CLIC2: variants seen among roughly 807,000 people sequenced by gnomAD.
CLIC2 encodes chloride intracellular channel protein 2.
A neutral mutation model predicts 14.8 loss-of-function variants in CLIC2; 9 were observed. That is an observed-to-expected ratio of 0.61 (90% CI 0.37 to 1.06). The LOEUF is 1.06. Among genes scored for constraint, CLIC2 ranks in the 50% least tolerant of loss-of-function variants. The pLI is 0.01. For missense variants in CLIC2, 148 were observed against 181.4 expected, an observed-to-expected ratio of 0.82 and a Z score of 1.06; for synonymous variants, 61 against 66.3, an observed-to-expected ratio of 0.92 and a Z score of 0.39.
At chrX:155,295,423 GA>G (rs2124171102) in intron 3 of CLIC2, among the ~76,000 whole-genome samples, 1 of 93,031 alleles carries the variant, frequency 1.1e-5, no homozygotes, top group Non-Finnish European at 2.2e-5. Flanking sequence ...GCTGAATAGG[GA>G]AAAATTGAAA....
chrX:155,287,364 C>T (rs2074946794), intron 3 of CLIC2, among the ~76,000 whole-genome samples: 1 of 111,057 alleles, frequency 9.0e-6, no homozygotes, highest in South Asian at 3.8e-4. Flanking sequence ...GACAGAGTTT[C>T]ACTCTGTTGC....
At chrX:155,278,845 G>T in intron 5 of CLIC2, 1 of 222,807 alleles carries the variant, frequency 4.5e-6, no homozygotes, top group South Asian at 8.1e-5. Flanking sequence ...GGGGTGGGAG[G>T]ACTGCTTGAG....
intron 1 of CLIC2, among the ~76,000 whole-genome samples, chrX:155,300,753 T>C (rs1251222119): frequency 5.2e-5 from 5 of 95,269 alleles, no homozygotes; most frequent in Non-Finnish European, 1.1e-4. Flanking sequence ...TTGATTTTTG[T>C]ATAAGGTGTA....
chrX:155,315,716 G>T (rs782231067), intron 1 of CLIC2, among the ~76,000 whole-genome samples: 5 of 110,346 alleles, frequency 4.5e-5, no homozygotes, highest in African/African-American at 6.6e-5. Flanking sequence ...AAAAACCAAG[G>T]TATTGAGGCA....
At position 155,334,599 on chromosome X, in the gene CLIC2, T is replaced by C. The variant is rs1343528197; in HGVS notation, c.-172A>G. On this transcript the variant is annotated 5_prime_UTR_variant, in exon 1 of 6. Transcript: ENST00000369449. The stretch of plus-strand genomic sequence containing the variant: ...GGAGCCAGTCTCTTCTCTCAAGAGG[T>C]GTGACGCAGAAAATTCTAGATGCTT... 2 of 461,519 alleles carry C rather than the reference T, an allele frequency of 4.3e-6. No homozygotes were observed. Among genetic ancestry groups the C allele is most frequent in the Non-Finnish European group, 7.7e-6 (2 of 258,934 alleles). The allele number at this position is 461,519 out of a possible 1,213,427, so 38.0% of individuals were successfully genotyped here.
intron 3 of CLIC2, among the ~76,000 whole-genome samples, chrX:155,293,933 G>T (rs930579316): frequency 9.0e-6 from 1 of 111,515 alleles, no homozygotes; most frequent in Non-Finnish European, 1.9e-5. Flanking sequence ...AGATCTAAAG[G>T]TAGAGACAGA....
intron 3 of CLIC2, chrX:155,292,805 A>C: frequency 1.4e-6 from 1 of 738,650 alleles, no homozygotes; most frequent in Non-Finnish European, 2.1e-6. Flanking sequence ...AAACAAATAA[A>C]AAAGCTGCCA....
At chrX:155,299,241 T>C in intron 1 of CLIC2, 96 bp from the exon 2 acceptor site, 1 of 635,000 alleles carries the variant, frequency 1.6e-6, no homozygotes, top group Non-Finnish European at 2.6e-6. Context: ...GAGACAAACA[T>C]GGACATTCTT....
intron 3 of CLIC2, among the ~76,000 whole-genome samples, chrX:155,285,396 A>C (rs1216002529): frequency 1.8e-5 from 2 of 111,663 alleles, no homozygotes; most frequent in Non-Finnish European, 3.8e-5. Context: ...TATCTAATGG[A>C]GATATTGCAC....
intron 3 of CLIC2, among the ~76,000 whole-genome samples, chrX:155,285,486 T>C (rs782566199): frequency 8.9e-6 from 1 of 112,029 alleles, no homozygotes; most frequent in East Asian, 2.8e-4. Flanking sequence ...CATACATTTA[T>C]TTGGGTGGTC....
chrX:155,305,435 G>A (rs1258680665), intron 1 of CLIC2, among the ~76,000 whole-genome samples: 4 of 112,186 alleles, frequency 3.6e-5, no homozygotes, highest in East Asian at 5.6e-4. Flanking sequence ...GCTTCGGCTC[G>A]CGCACGGTGC....
intron 3 of CLIC2, among the ~76,000 whole-genome samples, chrX:155,286,438 C>T (rs1017877024): frequency 1.8e-5 from 2 of 111,988 alleles, no homozygotes; most frequent in Non-Finnish European, 3.8e-5. Flanking sequence ...CTGCAATGAA[C>T]ATTCTCATGC....
At chrX:155,288,873 A>G (rs1210151465) in intron 3 of CLIC2, among the ~76,000 whole-genome samples, 1 of 111,265 alleles carries the variant, frequency 9.0e-6, no homozygotes, top group East Asian at 2.8e-4. Context: ...GGCCGGGCGC[A>G]GTGGCTCACA....
intron 1 of CLIC2, among the ~76,000 whole-genome samples, chrX:155,307,006 A>G: frequency 8.9e-6 from 1 of 111,787 alleles, no homozygotes; most frequent in Middle Eastern, 4.6e-3. Flanking sequence ...ACTTGAGTTT[A>G]TTGGTGGACC....
intron 1 of CLIC2, among the ~76,000 whole-genome samples, chrX:155,310,667 AG>A (rs1328557516): frequency 0.56 from 61,816 of 110,731 alleles, 14,411 homozygotes; most frequent in Middle Eastern, 0.77. Flanking sequence ...GCAGCACCCC[AG>A]TGGGGACTCT....
At chrX:155,296,658 A>G (rs371604840) in intron 3 of CLIC2, among the ~76,000 whole-genome samples, 3 of 111,774 alleles carry the variant, frequency 2.7e-5, no homozygotes, top group African/African-American at 9.7e-5. Flanking sequence ...CAATAAAAAA[A>G]ATCTCATAAA....
intron 1 of CLIC2, among the ~76,000 whole-genome samples, chrX:155,327,305 A>G (rs185174584): frequency 4.5e-5 from 5 of 111,509 alleles, no homozygotes; most frequent in Non-Finnish European, 3.8e-5. Flanking sequence ...AAAAAGCGCA[A>G]TTAATTTTGT....
At chrX:155,289,749 T>C (rs1234764606) in intron 3 of CLIC2, among the ~76,000 whole-genome samples, 2 of 112,073 alleles carry the variant, frequency 1.8e-5, no homozygotes, top group Non-Finnish European at 3.8e-5. Context: ...AAATATCTGG[T>C]ACCCTTAAAG....
Position 155,334,433 on chromosome X carries a change from T to C in CLIC2, c.-6A>G, listed in dbSNP as rs2075167369. On this transcript the variant is annotated 5_prime_UTR_variant, in exon 1 of 6. Transcript: ENST00000369449. ...CCGGGCCGCAGGCCTGACATCTTTG[T>C]CTTTACTGCCAGTTGTCAGCCTCCT... 1 of 1,203,340 alleles carries C rather than the reference T, an allele frequency of 8.3e-7. No individual in the cohort carries two copies. Among genetic ancestry groups the C allele is most frequent in the Non-Finnish European group, 1.1e-6 (1 of 887,883 alleles).
Sources: allele counts gnomAD v4.1 joint callset (sites outside exome capture counted in the v4.1 genomes callset), GRCh38; gene constraint gnomAD v4.1.1; transcripts MANE v1.5; gene names NCBI Gene and HGNC (gene_info 2026-07-23, HGNC 2026-07-21).